Variants in CPQ observed in about 807,000 individuals in gnomAD.
CPQ encodes the protein carboxypeptidase Q, also known as Ser-Met dipeptidase.
In CPQ, 37 loss-of-function variants were observed where a neutral mutation model predicts 45.7. The ratio of observed to expected loss-of-function variants is 0.81; its 90% CI spans 0.62 to 1.07. The LOEUF is 1.07. Among genes scored for constraint, CPQ ranks in the 50% least tolerant of loss-of-function variants. The probability of loss-of-function intolerance (pLI) is 0.00; values close to 1 mark genes in which losing one functional copy is unlikely to be tolerated. For missense variants in CPQ, 537 were observed against 572.9 expected (o/e 0.94, Z 0.64); for synonymous variants, 186 against 205.8 (o/e 0.90, Z 0.82).
intron 5 of CPQ, among the ~76,000 whole-genome samples, chr8:97,010,891 A>G (rs1809475977): frequency 6.6e-6 from 1 of 152,110 alleles, no homozygotes. Flanking sequence ...TAATATTTGG[A>G]GCTTTTATTT....
intron 4 of CPQ, among the ~76,000 whole-genome samples, chr8:96,943,412 A>C (rs577236105): frequency 6.6e-6 from 1 of 152,310 alleles, no homozygotes; most frequent in Admixed American, 6.5e-5. Context: ...TAATACAAAT[A>C]ATACAAATCA....
intron 1 of CPQ, among the ~76,000 whole-genome samples, chr8:96,691,710 G>C (rs1040676364): frequency 1.3e-5 from 2 of 152,134 alleles, no homozygotes; most frequent in Admixed American, 6.6e-5. Flanking sequence ...TTCCATTGCT[G>C]GGAAATATGT....
chr8:96,789,912 G>T (rs1462045194), intron 2 of CPQ, among the ~76,000 whole-genome samples: 1 of 152,034 alleles, frequency 6.6e-6, no homozygotes, highest in Non-Finnish European at 1.5e-5. Flanking sequence ...TTCCTGAGTA[G>T]GTATGACCTA....
chr8:97,011,242 A>G (rs139783428), intron 5 of CPQ, among the ~76,000 whole-genome samples: 3 of 152,308 alleles, frequency 2.0e-5, no homozygotes, highest in African/African-American at 4.8e-5. Flanking sequence ...GCTTATCTCT[A>G]TCAGCCAAGA....
intron 4 of CPQ, among the ~76,000 whole-genome samples, chr8:96,880,517 TCATATATATATA>T: frequency 1.3e-5 from 1 of 76,552 alleles, no homozygotes; most frequent in African/African-American, 5.3e-5. Context: ...AAATATATGG[TCATATATATATA>T]TATATATATA....
At chr8:97,031,316 A>G (rs1809903009) in intron 6 of CPQ, among the ~76,000 whole-genome samples, 1 of 150,688 alleles carries the variant, frequency 6.6e-6, no homozygotes, top group Non-Finnish European at 1.5e-5. Flanking sequence ...CCTCCCAAGT[A>G]GCTGGGACTC....
At chr8:96,759,983 C>T (rs1163881990) in intron 1 of CPQ, among the ~76,000 whole-genome samples, 2 of 152,198 alleles carry the variant, frequency 1.3e-5, no homozygotes, top group South Asian at 2.1e-4. Context: ...CCAAGTCACA[C>T]AGCTAGTCCT....
intron 3 of CPQ, among the ~76,000 whole-genome samples, chr8:96,868,627 A>T (rs112837222): frequency 0.043 from 6,499 of 152,112 alleles, 239 homozygotes; most frequent in African/African-American, 0.092. Context: ...GTATAAACTT[A>T]GTAGTTATAT....
intron 1 of CPQ, among the ~76,000 whole-genome samples, chr8:96,737,651 T>G (rs1810005781): frequency 6.6e-6 from 1 of 152,118 alleles, no homozygotes. Context: ...CTGACTCAAA[T>G]GTTAATCACT....
intron 1 of CPQ, among the ~76,000 whole-genome samples, chr8:96,733,808 A>G (rs1206894684): frequency 6.6e-6 from 1 of 152,204 alleles, no homozygotes; most frequent in Non-Finnish European, 1.5e-5. Flanking sequence ...CTCAATTTGC[A>G]GGCCATATTG....
chr8:96,885,895 G>A (rs1261319454), intron 4 of CPQ, among the ~76,000 whole-genome samples: 1 of 152,052 alleles, frequency 6.6e-6, no homozygotes, highest in Non-Finnish European at 1.5e-5. Context: ...GAGAGGCTGA[G>A]GCAGAAGAAT....
In CPQ at chr8:96,651,355, C is replaced by T. The variant is rs957887400; in HGVS notation, c.-35+5953C>T. On this transcript the variant is annotated intron_variant, in intron 1 of 7. Transcript: ENST00000220763. ...AAACTCTTATGGTCCTTGAATTCTA[C>T]ATCAGTATTAAAATGAAACCAAGTA... Among the ~76,000 whole-genome samples the T allele has an allele frequency of 2.6e-5, 4 of 152,306 alleles. 1 individual carries two copies. The South Asian group carries it at 8.3e-4, about 32-fold the overall frequency.
chr8:96,914,111 T>C (rs971295865), intron 4 of CPQ, among the ~76,000 whole-genome samples: 3 of 152,206 alleles, frequency 2.0e-5, no homozygotes, highest in African/African-American at 7.2e-5. Flanking sequence ...AAAATTAATC[T>C]GAAAAACATT....
intron 4 of CPQ, among the ~76,000 whole-genome samples, chr8:96,921,961 T>C (rs1044163415): frequency 5.3e-5 from 8 of 152,220 alleles, no homozygotes; most frequent in African/African-American, 1.9e-4. Flanking sequence ...TCTTCTCTAC[T>C]ATTTTTAGAT....
At chr8:96,988,208 T>A (rs1410937432) in intron 5 of CPQ, among the ~76,000 whole-genome samples, 1 of 152,226 alleles carries the variant, frequency 6.6e-6, no homozygotes, top group Non-Finnish European at 1.5e-5. Context: ...CTTCACTTAA[T>A]GAAGCAGGGT....
rs150267121 is a variant in CPQ, at chr8:96,926,582, T to C, written c.850-39353T>C. On this transcript the variant is annotated intron_variant, in intron 4 of 7. Transcript: ENST00000220763. ...CCTCTTCCTCTTCCTCTTCCTCTTC[T>C]TCTTCTTCTTCTTCTTCTTCTTCTT... Among the ~76,000 whole-genome samples, 301 of 90,548 alleles carry C rather than the reference T, an allele frequency of 3.3e-3. 2 individuals are homozygous for C. The highest frequency in any genetic ancestry group is 0.014 in the African/African-American group (235 of 16,690). The allele number at this position is 90,548 out of a possible 152,430, so 59.4% of individuals were successfully genotyped here.
At chr8:96,750,234 GATA>G (rs2130785047) in intron 1 of CPQ, among the ~76,000 whole-genome samples, 1 of 151,390 alleles carries the variant, frequency 6.6e-6, no homozygotes, top group East Asian at 1.9e-4. Flanking sequence ...ATTTTCTACA[GATA>G]ATATATAATA....
intron 1 of CPQ, among the ~76,000 whole-genome samples, chr8:96,695,046 A>T (rs905173037): frequency 1.6e-4 from 25 of 151,596 alleles, no homozygotes; most frequent in East Asian, 9.7e-4. Flanking sequence ...ACTATACTAC[A>T]AGGCTACAGT....
At chr8:96,891,957 T>A (rs1812382707) in intron 4 of CPQ, among the ~76,000 whole-genome samples, 1 of 152,118 alleles carries the variant, frequency 6.6e-6, no homozygotes, top group Admixed American at 6.6e-5. Flanking sequence ...ATTATAAGGA[T>A]GGGGTTGGGA....
Sources: gnomAD v4.1 joint callset for allele counts (sites outside exome capture counted in the v4.1 genomes callset) on GRCh38, gnomAD v4.1.1 for gene constraint, MANE v1.5 for transcripts, NCBI Gene and HGNC (gene_info 2026-07-23, HGNC 2026-07-21) for gene names.